The following HGSNAT variants were observed in gnomAD, a reference collection of about 807,000 sequenced individuals.
HGSNAT encodes transmembrane protein 76.
HGSNAT carries 59 observed loss-of-function variants against 85.2 expected under a neutral mutation model. The observed-to-expected ratio is 0.69, with a 90% CI of 0.56 to 0.86. HGSNAT has a LOEUF of 0.86. HGSNAT is among the 40% of genes least tolerant of loss of function. HGSNAT has a pLI of 0.00. For missense variants in HGSNAT, 756 were observed against 777.1 expected, an observed-to-expected ratio of 0.97 and a Z score of 0.32; for synonymous variants, 321 against 304.5, an observed-to-expected ratio of 1.05 and a Z score of -0.56.
chr8:43,173,227 C>T (rs1445869670), intron 8 of HGSNAT, among the ~76,000 whole-genome samples: 5 of 152,070 alleles, frequency 3.3e-5, no homozygotes, highest in Admixed American at 6.6e-5. Context: ...TGGGCTCAAG[C>T]GATCCTCCCA....
chr8:43,155,428 A>G (rs1436140664), intron 2 of HGSNAT, among the ~76,000 whole-genome samples: 1 of 151,752 alleles, frequency 6.6e-6, no homozygotes, highest in Non-Finnish European at 1.5e-5. Context: ...AGAAATACCT[A>G]TTTTGATTTA....
chr8:43,161,299 G>A, intron 4 of HGSNAT, 139 bp from the exon 5 acceptor site: 3 of 625,142 alleles, frequency 4.8e-6, no homozygotes, highest in Non-Finnish European at 8.4e-6. Context: ...CTCCCTTCAG[G>A]GTGAGCATAG....
chr8:43,167,343 C>G (rs977785639), intron 5 of HGSNAT, among the ~76,000 whole-genome samples: 1 of 152,294 alleles, frequency 6.6e-6, no homozygotes, highest in South Asian at 2.1e-4. Context: ...CTGTGGCAAA[C>G]TGTATTGTCT....
At chr8:43,177,065 G>A (rs766798609) in intron 9 of HGSNAT, among the ~76,000 whole-genome samples, 3 of 152,024 alleles carry the variant, frequency 2.0e-5, no homozygotes, top group Middle Eastern at 3.4e-3. Context: ...CTCTATTTTT[G>A]TACTCATTAT....
chr8:43,161,341 C>G (rs1014241951), intron 4 of HGSNAT, 97 bp from the exon 5 acceptor site: 3 of 925,588 alleles, frequency 3.2e-6, no homozygotes, highest in Admixed American at 2.1e-5. Flanking sequence ...GGCTTCCCCT[C>G]ACTGGTTTTC....
At chr8:43,153,024 TC>T (rs1196728192) in intron 2 of HGSNAT, among the ~76,000 whole-genome samples, 1 of 148,338 alleles carries the variant, frequency 6.7e-6, no homozygotes, top group Non-Finnish European at 1.5e-5. Context: ...TAATATTGTC[TC>T]CCCCGACAAC....
chr8:43,179,629 C>T (rs1803970383), intron 10 of HGSNAT, among the ~76,000 whole-genome samples: 1 of 42,918 alleles, frequency 2.3e-5, no homozygotes, highest in Non-Finnish European at 4.5e-5. Context: ...GCGCCCCTCA[C>T]CTCCCGGACG....
chr8:43,158,331 C>T (rs1803158113), intron 2 of HGSNAT, among the ~76,000 whole-genome samples: 1 of 152,202 alleles, frequency 6.6e-6, no homozygotes, highest in African/African-American at 2.4e-5. Context: ...ATTTCCTGAC[C>T]TCCTGATCCG....
At chr8:43,190,145 C>T (rs72650903) in intron 11 of HGSNAT, among the ~76,000 whole-genome samples, 4,354 of 152,206 alleles carry the variant, frequency 0.029, 89 homozygotes, top group Middle Eastern at 0.054. Flanking sequence ...AGAAGCATGT[C>T]GGAGTCCCAT....
chr8:43,154,055 T>C (rs977629307), intron 2 of HGSNAT, among the ~76,000 whole-genome samples: 3 of 152,128 alleles, frequency 2.0e-5, no homozygotes, highest in African/African-American at 7.3e-5. Flanking sequence ...TTCTTTTCTT[T>C]TTTTTCTTGA....
intron 1 of HGSNAT, among the ~76,000 whole-genome samples, chr8:43,141,390 G>T (rs1042380503): frequency 2.0e-5 from 3 of 152,228 alleles, no homozygotes; most frequent in South Asian, 2.1e-4. Context: ...CTTAAGAGGC[G>T]CTCAGCTCAT....
At chr8:43,143,529 A>ATTTC (rs1251147663) in intron 1 of HGSNAT, among the ~76,000 whole-genome samples, 1 of 149,808 alleles carries the variant, frequency 6.7e-6, no homozygotes, top group Non-Finnish European at 1.5e-5. Context: ...ACCAGGAGCT[A>ATTTC]TTTCTTTCTT....
chr8:43,196,534 T>G (rs1335750990), intron 14 of HGSNAT: 1 of 1,289,862 alleles, frequency 7.8e-7, no homozygotes, highest in South Asian at 1.2e-5. Context: ...CCACGGAGCC[T>G]GCCCAGGTGC....
At chr8:43,148,060 T>A (rs1265362285) in intron 2 of HGSNAT, among the ~76,000 whole-genome samples, 3 of 152,022 alleles carry the variant, frequency 2.0e-5, no homozygotes. Context: ...CTGACCAACA[T>A]GGAGAAACCC....
rs763070518 is a variant in HGSNAT, at chr8:43,158,970, A to G, written c.419A>G (p.Lys140Arg). Residue 140 changes from lysine (K) to arginine (R), a missense_variant, in exon 4 of 18, where the codon AAG (lysine) becomes AGG (arginine). Physicochemically the swap from Lys to Arg is conservative, Grantham distance 26. Coordinates refer to ENST00000379644, the MANE Select transcript of HGSNAT (RefSeq NM_152419.3). ...GEFGNYSLLV[K>R]NIHNGVSEIA... ...TTTGGAAACTATTCTCTCTTGGTAA[A>G]GAACATCCATAATGGAGTTAGTGAA... is the stretch of plus-strand genomic sequence containing the variant. 4.3e-6 allele frequency: 7 copies of G among 1,613,218 alleles called. No individual in the cohort carries two copies. The highest frequency in any genetic ancestry group is 1.7e-5 in the Admixed American group (1 of 59,944).
At chr8:43,181,095 G>C (rs1804082904) in intron 10 of HGSNAT, among the ~76,000 whole-genome samples, 1 of 30 alleles carries the variant, frequency 0.033, no homozygotes, top group Non-Finnish European at 0.062. Flanking sequence ...GGGAGAGGGA[G>C]AGGGAGAGGG....
chr8:43,186,151 A>G (rs989628473), intron 11 of HGSNAT, among the ~76,000 whole-genome samples: 6 of 152,238 alleles, frequency 3.9e-5, no homozygotes, highest in African/African-American at 1.4e-4. Flanking sequence ...TGCTGGCCTC[A>G]TAAAATGAGT....
intron 10 of HGSNAT, chr8:43,181,925 C>T (rs1804138378): frequency 3.7e-6 from 2 of 545,616 alleles, no homozygotes; most frequent in Non-Finnish European, 6.5e-6. Flanking sequence ...GAGCCATGTC[C>T]CTGACTGACC....
At chr8:43,195,474 GAGT>G (rs1436530388) in intron 14 of HGSNAT, among the ~76,000 whole-genome samples, 4 of 151,478 alleles carry the variant, frequency 2.6e-5, no homozygotes, top group Non-Finnish European at 5.9e-5. Flanking sequence ...TGTTGAGTAT[GAGT>G]AGTAGGAGGA....
Sources: allele counts gnomAD v4.1 joint callset (sites outside exome capture counted in the v4.1 genomes callset), GRCh38; gene constraint gnomAD v4.1.1; transcripts MANE v1.5; gene names NCBI Gene and HGNC (gene_info 2026-07-23, HGNC 2026-07-21).